The following EDA variants were observed in gnomAD, a reference collection of about 807,000 sequenced individuals.
EDA encodes ectodysplasin A, also known as ectodysplasin-A.
A neutral mutation model predicts 23.6 loss-of-function variants in EDA; 2 were observed. The observed-to-expected ratio is 0.08, with a 90% CI of 0.03 to 0.27. The LOEUF is 0.27. EDA is among the 10% of genes least tolerant of loss of function. The pLI is 1.00. For missense variants in EDA, 229 were observed against 324.2 expected (o/e 0.71, Z 2.26); for synonymous variants, 131 against 132.0 (o/e 0.99, Z 0.05).
intron 1 of EDA, among the ~76,000 whole-genome samples, chrX:69,627,674 A>G (rs146746068): frequency 0.025 from 2,776 of 112,517 alleles, 68 homozygotes; most frequent in African/African-American, 0.086. Flanking sequence ...GCCTAACTTC[A>G]GCTTCCCTGT....
At chrX:69,658,212 T>TTG (rs3138864) in intron 1 of EDA, among the ~76,000 whole-genome samples, 18,705 of 90,631 alleles carry the variant, frequency 0.21, 1,843 homozygotes, top group African/African-American at 0.3. Flanking sequence ...TCCTAGGTAT[T>TTG]TGTGTGTGTG....
chrX:69,876,490 C>T (rs1384853722), intron 1 of EDA, among the ~76,000 whole-genome samples: 11 of 110,697 alleles, frequency 9.9e-5, no homozygotes, highest in Admixed American at 1.9e-4. Context: ...TTATACTATT[C>T]TGAGAGTTTG....
At chrX:70,028,600 CA>C (rs1910851467) in intron 4 of EDA, among the ~76,000 whole-genome samples, 1 of 112,567 alleles carries the variant, frequency 8.9e-6, no homozygotes, top group Admixed American at 9.4e-5. Flanking sequence ...GTGGATGAAG[CA>C]AACCCAGGCA....
intron 1 of EDA, among the ~76,000 whole-genome samples, chrX:69,669,251 G>C (rs1933799076): frequency 9.1e-6 from 1 of 110,018 alleles, no homozygotes; most frequent in Non-Finnish European, 1.9e-5. Flanking sequence ...CTTTTGATTG[G>C]AGAAGTTAAT....
chrX:69,697,389 C>T (rs749931853), intron 1 of EDA, among the ~76,000 whole-genome samples: 3 of 111,263 alleles, frequency 2.7e-5, no homozygotes, highest in Admixed American at 1.9e-4. Context: ...TTATTCATTC[C>T]GTTAAGCTTT....
intron 5 of EDA, 144 bp downstream of exon 5, chrX:70,029,682 C>T: frequency 3.2e-6 from 2 of 626,093 alleles, no homozygotes; most frequent in Non-Finnish European, 5.1e-6. Flanking sequence ...TCACAGCCCC[C>T]TCCCATCTCT....
chrX:69,870,094 G>A (rs2017543183), intron 1 of EDA, among the ~76,000 whole-genome samples: 1 of 111,426 alleles, frequency 9.0e-6, no homozygotes, highest in South Asian at 3.8e-4. Context: ...GAAAGATCAG[G>A]CATTTCCAGC....
chrX:69,722,756 A>C (rs943662443), intron 1 of EDA, among the ~76,000 whole-genome samples: 1 of 110,524 alleles, frequency 9.0e-6, no homozygotes, highest in Non-Finnish European at 1.9e-5. Context: ...TTTGAATCTC[A>C]CCTCTGCCTC....
intron 1 of EDA, among the ~76,000 whole-genome samples, chrX:69,685,473 C>T (rs1381867088): frequency 9.0e-6 from 1 of 111,510 alleles, no homozygotes; most frequent in East Asian, 2.8e-4. Context: ...ATTTAGGAAC[C>T]AGATAATTTG....
chrX:69,691,494 T>A (rs1934710319), intron 1 of EDA, among the ~76,000 whole-genome samples: 1 of 111,930 alleles, frequency 8.9e-6, no homozygotes, highest in South Asian at 3.7e-4. Flanking sequence ...TGATATTTAT[T>A]TTCACTAAAA....
At chrX:69,695,978 G>A (rs376058261) in intron 1 of EDA, among the ~76,000 whole-genome samples, 3 of 110,140 alleles carry the variant, frequency 2.7e-5, no homozygotes, top group African/African-American at 9.9e-5. Context: ...AGTGGCTCAC[G>A]CCTGTAATCT....
intron 1 of EDA, among the ~76,000 whole-genome samples, chrX:69,792,896 A>T (rs1404177217): frequency 8.9e-6 from 1 of 111,762 alleles, no homozygotes; most frequent in Non-Finnish European, 1.9e-5. Context: ...ATAGTTTGCA[A>T]ATGTTTTCTC....
chrX:69,652,366 C>G (rs1216107536), intron 1 of EDA, among the ~76,000 whole-genome samples: 3 of 111,517 alleles, frequency 2.7e-5, no homozygotes, highest in African/African-American at 9.8e-5. Flanking sequence ...TGATGAAGTT[C>G]ATTTACTCAT....
intron 3 of EDA, among the ~76,000 whole-genome samples, chrX:70,024,382 G>A (rs1602615538): frequency 1.8e-5 from 2 of 112,451 alleles, no homozygotes; most frequent in African/African-American, 6.5e-5. Flanking sequence ...ACTGAGCAAG[G>A]CTGGAAAACA....
chrX:70,030,684 A>C (rs2020186419), intron 6 of EDA, among the ~76,000 whole-genome samples, 164 bp downstream of exon 6: 1 of 112,059 alleles, frequency 8.9e-6, no homozygotes, highest in Non-Finnish European at 1.9e-5. Context: ...GTCCTGAGCA[A>C]TTGCTGGCAT....
intron 1 of EDA, among the ~76,000 whole-genome samples, chrX:69,732,100 A>G (rs761909819): frequency 1.5e-3 from 95 of 62,838 alleles, no homozygotes; most frequent in Non-Finnish European, 4.2e-3. Context: ...TTGAAGATTT[A>G]TTTATTTATT....
intron 1 of EDA, among the ~76,000 whole-genome samples, chrX:69,650,654 A>C (rs1183534768): frequency 8.9e-6 from 1 of 112,137 alleles, no homozygotes; most frequent in Non-Finnish European, 1.9e-5. Context: ...ACCATTACAC[A>C]CTGTATGCTT....
At chrX:69,781,083 T>C (rs777422640) in intron 1 of EDA, among the ~76,000 whole-genome samples, 1 of 112,053 alleles carries the variant, frequency 8.9e-6, no homozygotes, top group Non-Finnish European at 1.9e-5. Flanking sequence ...ACTTAATTTT[T>C]TTCTATGATT....
chrX:69,702,533 G>A (rs923487634), intron 1 of EDA, among the ~76,000 whole-genome samples: 1 of 110,518 alleles, frequency 9.0e-6, no homozygotes, highest in Non-Finnish European at 1.9e-5. Context: ...CAGCTGAGAG[G>A]ATGGCAACTG....
Sources: allele counts gnomAD v4.1 joint callset (sites outside exome capture counted in the v4.1 genomes callset), GRCh38; gene constraint gnomAD v4.1.1; transcripts MANE v1.5; gene names NCBI Gene and HGNC (gene_info 2026-07-23, HGNC 2026-07-21).